Variants in ATP10B observed in about 807,000 individuals in gnomAD.
The protein encoded by ATP10B is ATPase phospholipid transporting 10B (putative), also known as phospholipid-transporting ATPase VB.
ATP10B carries 122 observed loss-of-function variants against 141.2 expected under a neutral mutation model. That is an observed-to-expected ratio of 0.86 (90% CI 0.75 to 1.00). The LOEUF is 1.00. Ranked by LOEUF, ATP10B falls within the 50% of genes least tolerant of loss-of-function variation. ATP10B has a pLI of 0.00. For missense variants in ATP10B, 1,876 were observed against 1,825.3 expected, an observed-to-expected ratio of 1.03 and a Z score of -0.51; for synonymous variants, 685 against 692.0, an observed-to-expected ratio of 0.99 and a Z score of 0.16.
the ATP10B span, among the ~76,000 whole-genome samples, chr5:160,881,153 T>C: frequency 2.0e-5 from 3 of 152,184 alleles, no homozygotes; most frequent in Non-Finnish European, 2.9e-5. Context: ...CCAAAGAAGA[T>C]GTACAGAGGG....
At chr5:160,869,651 G>A in the ATP10B span, among the ~76,000 whole-genome samples, 1 of 152,076 alleles carries the variant, frequency 6.6e-6, no homozygotes, top group Non-Finnish European at 1.5e-5. Flanking sequence ...GAAAAGTGAG[G>A]ACACAAGGCA....
rs1157224427 is a variant in ATP10B, at chr5:160,755,856, T to A, written c.-331+29703A>T. Among the ~76,000 whole-genome samples the A allele has an allele frequency of 6.8e-5, 8 of 116,948 alleles. No homozygotes were observed. The South Asian group carries it at 1.5e-3, about 22-fold the overall frequency. The allele number at this position is 116,948 out of a possible 152,430, so 76.7% of individuals were successfully genotyped here. A position where few individuals can be genotyped will look rare whatever the true frequency, so the allele number is the denominator to read the frequency against. Reference sequence around the variant, plus strand: ...AAAAAAAAATATATATATATATATATATATATATATATATATATATATTAT... The same window carrying A: ...AAAAAAAAATATATATATATATATAAATATATATATATATATATATATTAT... On this transcript the variant is annotated intron_variant, in intron 2 of 25. Coordinates refer to ENST00000327245, the MANE Select transcript of ATP10B (RefSeq NM_025153.3).
In ATP10B at chr5:160,617,230, G is replaced by A. The variant is rs558348202; in HGVS notation, c.2526+634C>T. Among the ~76,000 whole-genome samples the A allele has an allele frequency of 2.2e-4, 33 of 152,294 alleles. 1 individual carries two copies. The highest frequency in any genetic ancestry group is 6.7e-4 in the African/African-American group (28 of 41,550). On this transcript the variant is annotated intron_variant, in intron 16 of 25. Coordinates refer to ENST00000327245, the MANE Select transcript of ATP10B (RefSeq NM_025153.3). ...ATTCGGTGTCCACACTCTGCAATTC[G>A]CAGCCCTCACTGCCTGCCTGCCTTG...
intron 24 of ATP10B, among the ~76,000 whole-genome samples, chr5:160,574,034 C>T (rs1199444440): frequency 6.6e-6 from 1 of 152,172 alleles, no homozygotes; most frequent in Non-Finnish European, 1.5e-5. Context: ...TCAAATAACT[C>T]TTCAGAGTTT....
chr5:160,632,704 C>T (rs1208461265), intron 12 of ATP10B: 1 of 195,566 alleles, frequency 5.1e-6, no homozygotes, highest in East Asian at 1.2e-4. Context: ...AAATAACTAG[C>T]ATACTCTAAG....
Position 160,828,711 on chromosome 5 carries a change from G to A in ATP10B, c.-576+23230C>T, listed in dbSNP as rs373528348. ...ATCCAGCCATCCCATTACTGGGTAT[G>A]TACCCAAAGGACTATAAATCATGCT... On this transcript the variant is annotated intron_variant, in intron 1 of 25. Coordinates refer to ENST00000327245, the MANE Select transcript of ATP10B (RefSeq NM_025153.3). Among the ~76,000 whole-genome samples the A allele has an allele frequency of 2.5e-3, 376 of 151,160 alleles. 1 individual carries two copies. The highest frequency in any genetic ancestry group is 8.7e-3 in the African/African-American group (355 of 40,606).
intron 1 of ATP10B, among the ~76,000 whole-genome samples, chr5:160,786,427 T>C (rs1561852244): frequency 6.6e-6 from 1 of 152,166 alleles, no homozygotes; most frequent in Admixed American, 6.6e-5. Context: ...TTTTCTGTTT[T>C]TCTTTTTAAA....
rs529240260 is a variant in ATP10B at position 160,828,191 on chromosome 5, G to A, written c.-576+23750C>T. On this transcript the variant is annotated intron_variant, in intron 1 of 25. Coordinates refer to ENST00000327245, the MANE Select transcript of ATP10B (RefSeq NM_025153.3). The stretch of plus-strand genomic sequence containing the variant: ...TAAAACACCAAAAGCAATGGCAACA[G>A]AAGCCAAAATTGACAAATGGGATCT... Among the ~76,000 whole-genome samples the A allele has an allele frequency of 4.1e-3, 628 of 151,474 alleles. 5 individuals carry two copies. The highest frequency in any genetic ancestry group is 0.014 in the African/African-American group (590 of 40,982).
chr5:160,661,212 C>A (rs546823710), intron 7 of ATP10B, among the ~76,000 whole-genome samples: 43 of 151,226 alleles, frequency 2.8e-4, no homozygotes, highest in South Asian at 8.3e-4. Flanking sequence ...AACAAAACAA[C>A]AACTACAACA....
Position 160,617,886 on chromosome 5 carries a change from C to T in ATP10B, c.2504G>A (p.Arg835His), listed in dbSNP as rs201194908. 10 of 1,614,094 alleles carry T rather than the reference C, an allele frequency of 6.2e-6. No homozygotes were observed. The highest frequency in any genetic ancestry group is 4.5e-5 in the East Asian group (2 of 44,878). ...HLDLYARDGLRTLCIAKKVVS... is the reference protein window; with the variant it reads ...HLDLYARDGLHTLCIAKKVVS... ...TACCTTCTTGGCAATGCATAGTGTG[C>T]GCAGGCCATCTCTTGCATACAAGTC... The change falls in exon 16 of 26, where the codon CGC (arginine) becomes CAC (histidine). Residue 835 changes from arginine (R) to histidine (H), a missense_variant. By Grantham distance (29) the Arg-to-His change is conservative (BLOSUM62 0). Coordinates refer to ENST00000327245, the MANE Select transcript of ATP10B (RefSeq NM_025153.3).
intron 1 of ATP10B, among the ~76,000 whole-genome samples, chr5:160,806,660 C>T (rs772954286): frequency 8.5e-5 from 13 of 152,194 alleles, no homozygotes; most frequent in Admixed American, 7.9e-4. Flanking sequence ...ATGTGCTAGG[C>T]GTTTGACTAA....
chr5:160,910,409 G>A, the ATP10B span, among the ~76,000 whole-genome samples: 2 of 152,182 alleles, frequency 1.3e-5, no homozygotes, highest in African/African-American at 4.8e-5. Context: ...AGAGCTCCAT[G>A]AGAGCAGACT....
intron 6 of ATP10B, among the ~76,000 whole-genome samples, chr5:160,671,164 C>CAA (rs1167788105): frequency 2.1e-3 from 50 of 23,526 alleles, no homozygotes; most frequent in East Asian, 5.0e-3. Flanking sequence ...GACTCTGTCT[C>CAA]AAAAAAAAAA....
chr5:160,890,321 C>T, the ATP10B span, among the ~76,000 whole-genome samples: 2 of 152,126 alleles, frequency 1.3e-5, no homozygotes, highest in Admixed American at 1.3e-4. Context: ...TAAAATTAAC[C>T]ATTTTAACAT....
chr5:160,880,997 A>G, the ATP10B span, among the ~76,000 whole-genome samples: 1 of 152,210 alleles, frequency 6.6e-6, no homozygotes, highest in Non-Finnish European at 1.5e-5. Flanking sequence ...AGAGAATGAG[A>G]AGACAAGACA....
At chr5:160,600,052 T>A (rs1242836110) in intron 21 of ATP10B, among the ~76,000 whole-genome samples, 1 of 152,238 alleles carries the variant, frequency 6.6e-6, no homozygotes, top group Non-Finnish European at 1.5e-5. Context: ...ACCTTCTATA[T>A]GTGCCAGGAG....
intron 3 of ATP10B, among the ~76,000 whole-genome samples, chr5:160,695,760 AG>A (rs1471962187): frequency 1.3e-5 from 2 of 152,332 alleles, no homozygotes; most frequent in East Asian, 3.9e-4. Context: ...ATCTATACTT[AG>A]ATTATTGATA....
At chr5:160,907,745 G>A in the ATP10B span, among the ~76,000 whole-genome samples, 2 of 152,210 alleles carry the variant, frequency 1.3e-5, no homozygotes, top group African/African-American at 4.8e-5. Context: ...AAGAGGTTGA[G>A]TGACCTCTCC....
chr5:160,740,404 C>T (rs1767386107), intron 2 of ATP10B, among the ~76,000 whole-genome samples: 2 of 152,174 alleles, frequency 1.3e-5, no homozygotes, highest in South Asian at 2.1e-4. Flanking sequence ...AACTTACTAC[C>T]TCACAAAGCA....
Sources: gnomAD v4.1 joint callset for allele counts (sites outside exome capture counted in the v4.1 genomes callset) on GRCh38, gnomAD v4.1.1 for gene constraint, MANE v1.5 for transcripts, NCBI Gene and HGNC (gene_info 2026-07-23, HGNC 2026-07-21) for gene names.